The following APC variants were observed in gnomAD, a reference collection of about 807,000 sequenced individuals.
APC encodes adenomatous polyposis coli protein.
Under a neutral mutation model 247.0 loss-of-function variants are expected in APC, and 72 were observed. The observed-to-expected ratio is 0.29, with a 90% CI of 0.24 to 0.35. The LOEUF (loss-of-function observed/expected upper bound fraction) is 0.35, where lower values mean the gene tolerates loss of function less well. Among genes scored for constraint, APC ranks in the 10% least tolerant of loss-of-function variants. The pLI is 1.00. For synonymous variants in APC, 1,254 were observed against 1,162.5 expected, an observed-to-expected ratio of 1.08 and a Z score of -1.60; for missense variants, 3,400 against 3,360.7, an observed-to-expected ratio of 1.01 and a Z score of -0.29.
At chr5:112,826,972 A>C (rs986335811) in intron 11 of APC, 136 bp from the exon 12 acceptor site, 2 of 801,780 alleles carry the variant, frequency 2.5e-6, no homozygotes, top group Non-Finnish European at 4.0e-6. Context: ...TTTGTAGCTT[A>C]TAATTCTAAA....
chr5:112,781,566 G>C lies in APC; in HGVS notation c.645+663G>C, dbSNP rs142806675. On this transcript the variant is annotated intron_variant, in intron 6 of 15. Coordinates refer to ENST00000257430, the MANE Select transcript of APC (RefSeq NM_000038.6). ...CTTTTTTAACTTTTGGGACAAATTG[G>C]GAGGAAAACATTTAAAGATTTTCTT... Among the ~76,000 whole-genome samples the C allele has an allele frequency of 1.1e-3, 165 of 152,090 alleles. 1 individual carries two copies. In the East Asian group the frequency reaches 0.026, roughly 24 times the overall value.
chr5:112,756,085 C>T (rs1754950608), intron 2 of APC, among the ~76,000 whole-genome samples: 1 of 152,180 alleles, frequency 6.6e-6, no homozygotes. Flanking sequence ...TTACTAATTT[C>T]CTATTCTATC....
At chr5:112,816,140 G>A (rs1762490730) in intron 9 of APC, among the ~76,000 whole-genome samples, 1 of 152,056 alleles carries the variant, frequency 6.6e-6, no homozygotes, top group Non-Finnish European at 1.5e-5. Flanking sequence ...GCATTGGTGG[G>A]GACCACCATA....
At chr5:112,790,086 C>T (rs566979715) in intron 6 of APC, among the ~76,000 whole-genome samples, 14 of 152,022 alleles carry the variant, frequency 9.2e-5, no homozygotes, top group Non-Finnish European at 1.6e-4. Flanking sequence ...TCTCAAACTC[C>T]TGAGCTTAAG....
intron 15 of APC, among the ~76,000 whole-genome samples, chr5:112,835,815 C>T (rs2149847461): frequency 6.6e-6 from 1 of 151,988 alleles, no homozygotes; most frequent in South Asian, 2.1e-4. Context: ...TCCAGTGACC[C>T]ACCTGTCTCA....
chr5:112,834,105 AT>A (rs145457030), intron 14 of APC, among the ~76,000 whole-genome samples: 2 of 148,128 alleles, frequency 1.4e-5, no homozygotes, highest in Non-Finnish European at 1.5e-5. Context: ...TACCCAGCTC[AT>A]TTTTTTTTTA....
intron 1 of APC, among the ~76,000 whole-genome samples, chr5:112,749,640 A>G (rs1308203683): frequency 1.3e-5 from 2 of 151,978 alleles, no homozygotes; most frequent in East Asian, 3.9e-4. Flanking sequence ...GGCACATGCC[A>G]CCATGCCCGG....
At chr5:112,825,519 GA>G (rs1763557783) in intron 11 of APC, among the ~76,000 whole-genome samples, 1 of 152,034 alleles carries the variant, frequency 6.6e-6, no homozygotes, top group Admixed American at 6.6e-5. Flanking sequence ...CCTTTGCTTA[GA>G]ACGCATCTTT....
intron 7 of APC, among the ~76,000 whole-genome samples, chr5:112,800,458 T>C (rs577345073): frequency 2.4e-4 from 36 of 152,222 alleles, no homozygotes; most frequent in Non-Finnish European, 1.6e-4. Flanking sequence ...TTTTAAATGA[T>C]CTAGGAAAGC....
In APC at chr5:112,792,528, AG is replaced by A; in HGVS notation, c.729+1del. 1 of 1,611,072 alleles carries A rather than the reference AG, an allele frequency of 6.2e-7. No homozygotes were observed. The highest frequency in any genetic ancestry group is 8.5e-7 in the Non-Finnish European group (1 of 1,177,762). ...QLLQSQATEA[E>X]RSSQNKHETG... ...TTACAGTCCCAAGCAACAGAAGCAG[AG>A]GTTAGTAAATTGCCTTTCTTGTTTG... On this transcript the variant is annotated frameshift_variant and splice_region_variant, in exon 7 of 16. Transcript: ENST00000257430. LOFTEE classifies it high-confidence loss of function.
chr5:112,753,340 A>G (rs558260647), intron 1 of APC, among the ~76,000 whole-genome samples: 3 of 152,178 alleles, frequency 2.0e-5, no homozygotes, highest in Non-Finnish European at 2.9e-5. Flanking sequence ...GGTGAACCCT[A>G]TATCTTACTG....
intron 1 of APC, among the ~76,000 whole-genome samples, chr5:112,721,386 C>G (rs1751477052): frequency 6.6e-6 from 1 of 151,936 alleles, no homozygotes; most frequent in African/African-American, 2.4e-5. Flanking sequence ...TACACTCTAG[C>G]CTTGGCAACA....
rs1554084217 is a variant in APC at position 112,838,089 on chromosome 5, C to G, written c.2495C>G (p.Pro832Arg). ...LSPYLNTTVL[P>R]SSSSSRGSLD... ...CCATATTTGAATACTACAGTGTTACCCAGCTCCTCTTCATCAAGAGGAAGC... is the reference window on the plus strand; with the variant it reads ...CCATATTTGAATACTACAGTGTTACGCAGCTCCTCTTCATCAAGAGGAAGC... Residue 832 changes from proline (P) to arginine (R), a missense_variant, in exon 16 of 16, where the codon CCC becomes CGC. This residue lies in a region of APC where 715 missense variants were observed against 656.6 expected (regional missense o/e 1.09). Transcript: ENST00000257430. 6.2e-7 allele frequency: 1 copy of G among 1,614,094 alleles called. No individual in the cohort carries two copies. The highest frequency in any genetic ancestry group is 1.1e-5 in the South Asian group (1 of 91,074).
At chr5:112,730,559 C>T (rs908250339) in intron 1 of APC, among the ~76,000 whole-genome samples, 5 of 152,146 alleles carry the variant, frequency 3.3e-5, no homozygotes, top group Admixed American at 2.0e-4. Context: ...AAATGCCTAA[C>T]GTAATGTTTG....
At chr5:112,834,232 T>C (rs1202987884) in intron 14 of APC, among the ~76,000 whole-genome samples, 1 of 140,640 alleles carries the variant, frequency 7.1e-6, no homozygotes, top group Non-Finnish European at 1.5e-5. Context: ...AGCCACCACG[T>C]TGCGCCTTTT....
intron 8 of APC, among the ~76,000 whole-genome samples, chr5:112,807,111 T>G (rs1761498360): frequency 6.8e-6 from 1 of 146,184 alleles, no homozygotes; most frequent in South Asian, 2.1e-4. Context: ...CTAGCCTGGG[T>G]GACAGAGCAA....
chr5:112,719,615 A>C (rs1010167540), intron 1 of APC, among the ~76,000 whole-genome samples: 1 of 150,538 alleles, frequency 6.6e-6, no homozygotes, highest in African/African-American at 2.5e-5. Context: ...ACTCACTGCA[A>C]CCTCCGCCTC....
At chr5:112,832,815 A>C (rs1764435472) in intron 14 of APC, among the ~76,000 whole-genome samples, 1 of 152,114 alleles carries the variant, frequency 6.6e-6, no homozygotes, top group Non-Finnish European at 1.5e-5. Flanking sequence ...TCTTTGGAGC[A>C]CTTTGTTTCA....
chr5:112,753,175 A>G (rs1754569011), intron 1 of APC, among the ~76,000 whole-genome samples: 1 of 152,154 alleles, frequency 6.6e-6, no homozygotes, highest in South Asian at 2.1e-4. Flanking sequence ...TATGGTTTAT[A>G]ATGTGCTGGG....
Sources: gnomAD v4.1 joint callset for allele counts (sites outside exome capture counted in the v4.1 genomes callset) on GRCh38, gnomAD v4.1.1 for gene constraint, gnomAD v4.1.1 regional missense constraint, MANE v1.5 for transcripts, NCBI Gene and HGNC (gene_info 2026-07-23, HGNC 2026-07-21) for gene names.